Variants in SERPINB8 observed in about 807,000 individuals in gnomAD.
SERPINB8 encodes serpin family B member 8, also known as serpin B8.
A neutral mutation model predicts 35.3 loss-of-function variants in SERPINB8; 25 were observed. The observed-to-expected ratio is 0.71, with a 90% CI of 0.52 to 0.99. The LOEUF is 0.99. SERPINB8 is among the 50% of genes least tolerant of loss of function. SERPINB8 has a pLI of 0.00. For missense variants in SERPINB8, 484 were observed against 446.5 expected, an observed-to-expected ratio of 1.08 and a Z score of -0.76; for synonymous variants, 186 against 160.8, an observed-to-expected ratio of 1.16 and a Z score of -1.19.
rs893169698 is a variant in SERPINB8 at position 63,979,801 on chromosome 18, G to A, written c.169G>A (p.Ala57Thr). 4.3e-6 allele frequency: 7 copies of A among 1,613,862 alleles called. No individual in the cohort carries two copies. In the African/African-American group the frequency reaches 8.0e-5, roughly 18 times the overall value. The change falls in exon 3 of 7, where the codon GCA becomes ACA. Residue 57 changes from alanine to threonine, a missense_variant and splice_region_variant. Physicochemically the swap from Ala to Thr is moderately conservative, Grantham distance 58. Coordinates refer to ENST00000397985, the MANE Select transcript of SERPINB8 (RefSeq NM_002640.4). ...KGSTAAQMSQALCLYKDGDIH... is the reference protein window; with the variant it reads ...KGSTAAQMSQTLCLYKDGDIH... ...AGTCAGTGTTGGTTTCTGTTCCCAG[G>A]CACTTTGTTTATACAAAGACGGAGA...
At chr18:64,008,036 C>G (rs1459883127), downstream of SERPINB8, among the ~76,000 whole-genome samples, 1 of 152,034 alleles carries the variant, frequency 6.6e-6, no homozygotes, top group Non-Finnish European at 1.5e-5. Flanking sequence ...TATTATAAGA[C>G]TATTATATGA....
chr18:63,987,320 A>G lies in SERPINB8; in HGVS notation c.*42A>G, dbSNP rs375159277. 1.3e-6 allele frequency: 2 copies of G among 1,553,028 alleles called. No individual in the cohort carries two copies. The highest frequency in any genetic ancestry group is 2.3e-5 in the East Asian group (1 of 44,378). Reference sequence around the variant, plus strand: ...TACATACCCTCCTTTCCTTCTACCTATCTTGCCTTAATTAACATTCCCTGT... The same window carrying G: ...TACATACCCTCCTTTCCTTCTACCTGTCTTGCCTTAATTAACATTCCCTGT... On this transcript the variant is annotated 3_prime_UTR_variant, in exon 7 of 7. Coordinates refer to ENST00000397985, the MANE Select transcript of SERPINB8 (RefSeq NM_002640.4).
At chr18:63,977,183 G>A (rs1018983493) in intron 1 of SERPINB8, among the ~76,000 whole-genome samples, 13 of 152,168 alleles carry the variant, frequency 8.5e-5, no homozygotes, top group South Asian at 2.1e-4. Context: ...GGTGCCAGGC[G>A]TTTATGACTA....
chr18:63,991,658 A>G (rs1371058246), downstream of SERPINB8, among the ~76,000 whole-genome samples: 2 of 141,872 alleles, frequency 1.4e-5, no homozygotes, highest in Non-Finnish European at 3.0e-5. Flanking sequence ...TCTTTCTTTC[A>G]CATTTAGATA....
At chr18:63,971,004 A>G (rs1372262290) in intron 1 of SERPINB8, among the ~76,000 whole-genome samples, 1 of 151,874 alleles carries the variant, frequency 6.6e-6, no homozygotes, top group Non-Finnish European at 1.5e-5. Flanking sequence ...TCTCCATTCC[A>G]AAGGGCCTCA....
rs59189766 is a variant in SERPINB8 at position 63,995,996 on chromosome 18, G to A, written c.71-8823G>A. 4.2e-3 allele frequency among the ~76,000 whole-genome samples: 640 copies of A among 152,232 alleles called. 8 individuals are homozygous for A. The highest frequency in any genetic ancestry group is 0.015 in the African/African-American group (611 of 41,548). On this transcript the variant is annotated intron_variant, in intron 1 of 1. Coordinates refer to the SERPINB8 transcript ENST00000493661. ...TGGTCAACAGGAAGCAGGTGGTTGC[G>A]TAGGCCATCATGATGGGTGAGGGGT...
intron 1 of SERPINB8, chr18:64,004,811 C>T: frequency 2.5e-6 from 1 of 398,512 alleles, no homozygotes; most frequent in Non-Finnish European, 4.4e-6. Context: ...TCTTGTGCCT[C>T]CTAACAGGAT....
chr18:64,006,364 T>G (rs1341110558), downstream of SERPINB8, among the ~76,000 whole-genome samples: 1 of 152,190 alleles, frequency 6.6e-6, no homozygotes, highest in East Asian at 1.9e-4. Context: ...TTTTCAGAGA[T>G]GGGGCCTTTG....
downstream of SERPINB8, among the ~76,000 whole-genome samples, chr18:64,009,582 A>G (rs772807985): frequency 6.6e-6 from 1 of 152,234 alleles, no homozygotes; most frequent in South Asian, 2.1e-4. Flanking sequence ...CTGGCATTAG[A>G]GATCCGCAGG....
chr18:63,978,214 G>A (rs920605153), intron 1 of SERPINB8, 85 bp from the exon 2 acceptor site: 36 of 1,447,896 alleles, frequency 2.5e-5, no homozygotes, highest in Non-Finnish European at 3.1e-5. Flanking sequence ...TACCACCTCA[G>A]CGTCCACTGA....
chr18:63,986,688 A>G lies in SERPINB8; in HGVS notation c.721-186A>G, dbSNP rs1599152839. 4.3e-6 allele frequency: 6 copies of G among 1,404,510 alleles called. No individual in the cohort carries two copies. In the East Asian group the frequency reaches 1.2e-4, roughly 29 times the overall value. 87.0% of individuals were successfully genotyped at this position (1,404,510 alleles called of 1,614,324 possible). A position where few individuals can be genotyped will look rare whatever the true frequency, so the allele number is the denominator to read the frequency against. ...TAGCTCTTTTACACTTGTCTCCATA[A>G]AACTGTGAAAAGATGAAAATTTGGG... On this transcript the variant is annotated intron_variant, in intron 6 of 6. Coordinates refer to ENST00000397985, the MANE Select transcript of SERPINB8 (RefSeq NM_002640.4).
exon 8 of SERPINB8, chr18:64,018,993 C>T (rs1445419016): frequency 6.6e-6 from 1 of 152,208 alleles, no homozygotes. Flanking sequence ...GTGCCAACTA[C>T]ATCATGACTG....
intron 4 of SERPINB8, among the ~76,000 whole-genome samples, chr18:63,982,490 C>T (rs138318021): frequency 7.9e-5 from 12 of 152,226 alleles, no homozygotes; most frequent in Admixed American, 5.9e-4. Flanking sequence ...TACTTGTAAA[C>T]GGTGGAGGAA....
At chr18:64,016,432 G>GT (rs1357735840) in intron 7 of SERPINB8, among the ~76,000 whole-genome samples, 1 of 151,992 alleles carries the variant, frequency 6.6e-6, no homozygotes, top group African/African-American at 2.4e-5. Flanking sequence ...TTTCATTTTT[G>GT]TTTTTTGTTT....
At chr18:64,015,626 A>C (rs2050946377) in intron 7 of SERPINB8, among the ~76,000 whole-genome samples, 1 of 152,104 alleles carries the variant, frequency 6.6e-6, no homozygotes, top group South Asian at 2.1e-4. Flanking sequence ...TTTTCATTTC[A>C]GTTAAGGGCT....
chr18:63,977,361 CTG>C (rs1195499824), intron 1 of SERPINB8, among the ~76,000 whole-genome samples: 4 of 151,528 alleles, frequency 2.6e-5, no homozygotes, highest in Non-Finnish European at 4.4e-5. Context: ...GAGTCTCACT[CTG>C]TTGCCCAGGC....
Position 63,970,113 on chromosome 18 carries a change from G to T in SERPINB8, c.-68G>T. The T allele has an allele frequency of 2.9e-6, 1 of 342,946 alleles. No homozygotes were observed. Among genetic ancestry groups the T allele is most frequent in the Admixed American group, 3.6e-5 (1 of 27,498 alleles). The allele number at this position is 342,946 out of a possible 1,614,324, so 21.2% of individuals were successfully genotyped here. ...GCGGACGTGAAGCATCTACAAAGGA[G>T]GAATAGTCAAAGCAGCAGCGGCGGC... is the stretch of plus-strand genomic sequence containing the variant. On this transcript the variant is annotated 5_prime_UTR_variant, in exon 1 of 7. In the 5' UTR this introduces an upstream ATG that the reference lacks. Coordinates refer to ENST00000397985, the MANE Select transcript of SERPINB8 (RefSeq NM_002640.4).
rs1348548594 is a variant in SERPINB8 at position 63,978,467 on chromosome 18, G to A, written c.159G>A (p.Gln53=). 2 of 1,614,176 alleles carry A rather than the reference G, an allele frequency of 1.2e-6. No individual in the cohort carries two copies. Among genetic ancestry groups the A allele is most frequent in the South Asian group, 2.2e-5 (2 of 91,076 alleles). The change falls in exon 2 of 7, where the codon CAG becomes CAA. Residue 53 remains glutamine (Q), a synonymous_variant. Transcript: ENST00000397985. ...GGGCAAAGGGAAGCACTGCAGCCCA[G>A]ATGTCCCAGGTATGTGTGCTTGTCA... ...FMGAKGSTAA[Q]MSQALCLYKD...
chr18:63,973,816 T>C (rs2050533705), intron 1 of SERPINB8, among the ~76,000 whole-genome samples: 2 of 152,224 alleles, frequency 1.3e-5, no homozygotes, highest in South Asian at 4.1e-4. Flanking sequence ...GTATTATTTC[T>C]GAGGCCTCTG....
Sources: allele counts gnomAD v4.1 joint callset (sites outside exome capture counted in the v4.1 genomes callset), GRCh38; gene constraint gnomAD v4.1.1; transcripts MANE v1.5; gene names NCBI Gene and HGNC (gene_info 2026-07-23, HGNC 2026-07-21).